The following ADGRG7 variants were observed in gnomAD, a reference collection of about 807,000 sequenced individuals.
The protein encoded by ADGRG7 is adhesion G protein-coupled receptor G7.
Under a neutral mutation model 88.6 loss-of-function variants are expected in ADGRG7, and 82 were observed. The observed-to-expected ratio is 0.93, with a 90% CI of 0.77 to 1.11. ADGRG7 has a LOEUF of 1.11. ADGRG7 is among the 50% of genes most tolerant of loss of function. The pLI is 0.00. For synonymous variants in ADGRG7, 381 were observed against 345.2 expected (o/e 1.10, Z -1.15); for missense variants, 945 against 953.4 (o/e 0.99, Z 0.12).
At chr3:100,622,937 T>C (rs1707335508) in intron 1 of ADGRG7, among the ~76,000 whole-genome samples, 1 of 151,230 alleles carries the variant, frequency 6.6e-6, no homozygotes, top group Non-Finnish European at 1.5e-5. Flanking sequence ...TGTTTTTTTT[T>C]TTTGGTAGAG....
At chr3:100,686,850 G>A (rs1202814690) in intron 15 of ADGRG7, among the ~76,000 whole-genome samples, 3 of 152,172 alleles carry the variant, frequency 2.0e-5, no homozygotes, top group Non-Finnish European at 4.4e-5. Flanking sequence ...GATTGACTTG[G>A]CGATGCGGGC....
chr3:100,665,747 G>A (rs533343792), intron 14 of ADGRG7, among the ~76,000 whole-genome samples: 4 of 152,282 alleles, frequency 2.6e-5, no homozygotes, highest in Middle Eastern at 3.4e-3. Context: ...TTGCCTAATT[G>A]CAAATTAGGA....
At chr3:100,614,452 G>A (rs934260826) in intron 1 of ADGRG7, among the ~76,000 whole-genome samples, 7 of 152,180 alleles carry the variant, frequency 4.6e-5, no homozygotes, top group African/African-American at 1.7e-4. Flanking sequence ...TAACCAGGTA[G>A]TTAATACCGG....
intron 15 of ADGRG7, among the ~76,000 whole-genome samples, chr3:100,682,444 G>A (rs2094974826): frequency 6.6e-6 from 1 of 152,196 alleles, no homozygotes; most frequent in Non-Finnish European, 1.5e-5. Context: ...ACCCGCCGAC[G>A]GCGCCAAGTT....
intron 15 of ADGRG7, among the ~76,000 whole-genome samples, chr3:100,687,479 T>C (rs1234122954): frequency 6.6e-6 from 1 of 152,142 alleles, no homozygotes; most frequent in Non-Finnish European, 1.5e-5. Context: ...ATGCTTCCAG[T>C]TTTTGCCCAT....
At chr3:100,677,687 C>G (rs2094967283) in intron 15 of ADGRG7, among the ~76,000 whole-genome samples, 1 of 152,078 alleles carries the variant, frequency 6.6e-6, no homozygotes, top group Non-Finnish European at 1.5e-5. Flanking sequence ...GATATTTTCA[C>G]CAGATATGCT....
chr3:100,647,635 T>C (rs535258128), intron 10 of ADGRG7, among the ~76,000 whole-genome samples: 11 of 152,354 alleles, frequency 7.2e-5, no homozygotes, highest in Admixed American at 2.6e-4. Flanking sequence ...TCAAGGTTCT[T>C]GTGCTGACCT....
At chr3:100,688,225 C>A (rs1334058244) in intron 15 of ADGRG7, among the ~76,000 whole-genome samples, 2 of 152,088 alleles carry the variant, frequency 1.3e-5, no homozygotes, top group Non-Finnish European at 2.9e-5. Context: ...GTGGTGATGT[C>A]CCCTTTTCAT....
intron 3 of ADGRG7, among the ~76,000 whole-genome samples, 182 bp downstream of exon 3, chr3:100,630,991 T>C (rs1707453030): frequency 6.6e-6 from 1 of 152,200 alleles, no homozygotes; most frequent in South Asian, 2.1e-4. Flanking sequence ...AAATCTTAAA[T>C]TTCCCAACAG....
At chr3:100,625,175 A>G in intron 1 of ADGRG7, among the ~76,000 whole-genome samples, 1 of 152,188 alleles carries the variant, frequency 6.6e-6, no homozygotes, top group Non-Finnish European at 1.5e-5. Context: ...TGAAGATGGA[A>G]TGTTTATCCA....
In ADGRG7 at chr3:100,669,043, G is replaced by A. The variant is rs766345151; in HGVS notation, c.2074G>A (p.Val692Ile). ...ITWILAYLML[V>I]NDDSIRIVFS... is the part of the protein sequence containing the mutation. ...CTGGATTCTAGCATACCTGATGCTA[G>A]TTAATGATGATAGCATCAGGATCGT... The change falls in exon 15 of 16, where the codon GTT (valine) becomes ATT (isoleucine). Residue 692 changes from valine (V) to isoleucine (I), a missense_variant. Physicochemically the swap from Val to Ile is conservative, Grantham distance 29. Coordinates refer to ENST00000273352, the MANE Select transcript of ADGRG7 (RefSeq NM_032787.3). 1.2e-6 allele frequency: 2 copies of A among 1,604,172 alleles called. No homozygotes were observed. The highest frequency in any genetic ancestry group is 1.7e-6 in the Non-Finnish European group (2 of 1,174,968).
At chr3:100,655,309 T>G in intron 12 of ADGRG7, 128 bp downstream of exon 12, 1 of 660,258 alleles carries the variant, frequency 1.5e-6, no homozygotes, top group Non-Finnish European at 2.5e-6. Flanking sequence ...ATATAGTGAT[T>G]GCTAAGAATA....
At chr3:100,631,527 T>C (rs1334538505) in intron 3 of ADGRG7, among the ~76,000 whole-genome samples, 6 of 152,172 alleles carry the variant, frequency 3.9e-5, no homozygotes, top group Admixed American at 6.5e-5. Flanking sequence ...GTCCCTTGTT[T>C]GCCTTGACTT....
rs78703564 is a variant in ADGRG7 at position 100,682,578 on chromosome 3, C to G, written c.2137-12166C>G. Among the ~76,000 whole-genome samples, 53 of 152,328 alleles carry G rather than the reference C, an allele frequency of 3.5e-4. No individual in the cohort carries two copies. In the East Asian group the frequency reaches 9.5e-3, roughly 27 times the overall value. ...GGCCAGGCCCAGGGCCCACGATCTG[C>G]TCCCGGAAGTGACCTCCAGTCAGGG... On this transcript the variant is annotated intron_variant, in intron 15 of 15. Coordinates refer to ENST00000273352, the MANE Select transcript of ADGRG7 (RefSeq NM_032787.3).
intron 15 of ADGRG7, among the ~76,000 whole-genome samples, chr3:100,682,771 G>A (rs1299249829): frequency 6.6e-6 from 1 of 152,178 alleles, no homozygotes; most frequent in Non-Finnish European, 1.5e-5. Flanking sequence ...ACACTCCACT[G>A]AGCCAGCGGG....
chr3:100,637,825 G>A (rs967903727), intron 6 of ADGRG7, among the ~76,000 whole-genome samples: 3 of 152,190 alleles, frequency 2.0e-5, no homozygotes, highest in Non-Finnish European at 4.4e-5. Flanking sequence ...CAAGGCCCTG[G>A]TATATTTTGA....
chr3:100,651,684 A>AT (rs71748294), intron 11 of ADGRG7, among the ~76,000 whole-genome samples: 62 of 149,748 alleles, frequency 4.1e-4, no homozygotes, highest in Admixed American at 2.4e-3. Flanking sequence ...TCTCAAACAA[A>AT]TTTTTTTTTT....
At chr3:100,627,004 G>A (rs774764436) in intron 1 of ADGRG7, among the ~76,000 whole-genome samples, 48 of 152,044 alleles carry the variant, frequency 3.2e-4, no homozygotes, top group Middle Eastern at 3.2e-3. Context: ...AGATATCTTA[G>A]CATTTCATAT....
At chr3:100,679,393 A>C (rs1380922268) in intron 15 of ADGRG7, among the ~76,000 whole-genome samples, 11 of 152,184 alleles carry the variant, frequency 7.2e-5, no homozygotes, top group Non-Finnish European at 1.6e-4. Context: ...CCTGTCCAGG[A>C]GCCGAGGCCT....
Sources: gnomAD v4.1 joint callset for allele counts (sites outside exome capture counted in the v4.1 genomes callset) on GRCh38, gnomAD v4.1.1 for gene constraint, MANE v1.5 for transcripts, NCBI Gene and HGNC (gene_info 2026-07-23, HGNC 2026-07-21) for gene names.